The following ANKRD36C variants were observed in gnomAD, a reference collection of about 807,000 sequenced individuals.
ANKRD36C encodes the protein ankyrin repeat domain-containing protein 36C.
In ANKRD36C, 61 loss-of-function variants were observed where a neutral mutation model predicts 276.4. That is an observed-to-expected ratio of 0.22 (90% CI 0.18 to 0.27). ANKRD36C has a LOEUF of 0.27. ANKRD36C is among the 10% of genes least tolerant of loss of function. The pLI is 1.00. For missense variants in ANKRD36C, 1,447 were observed against 2,032.3 expected, an observed-to-expected ratio of 0.71 and a Z score of 5.54; for synonymous variants, 483 against 680.1, an observed-to-expected ratio of 0.71 and a Z score of 4.51.
intron 61 of ANKRD36C, among the ~76,000 whole-genome samples, chr2:95,857,824 C>G (rs1675454642): frequency 6.9e-6 from 1 of 145,668 alleles, no homozygotes; most frequent in Non-Finnish European, 1.5e-5. Context: ...CTATGCAGAT[C>G]CAGGGGATAT....
chr2:95,924,731 C>T (rs558174510), intron 30 of ANKRD36C, among the ~76,000 whole-genome samples: 39 of 151,718 alleles, frequency 2.6e-4, no homozygotes, highest in African/African-American at 8.9e-4. Context: ...TCTAGCACTC[C>T]TTCCTGATTC....
intron 59 of ANKRD36C, among the ~76,000 whole-genome samples, chr2:95,874,493 T>G (rs548698473): frequency 9.3e-4 from 142 of 152,342 alleles, no homozygotes; most frequent in African/African-American, 3.3e-3. Context: ...AAGCTGAAAC[T>G]GGATCCCTTC....
intron 42 of ANKRD36C, among the ~76,000 whole-genome samples, chr2:95,901,972 T>A (rs888679249): frequency 6.7e-6 from 1 of 148,500 alleles, no homozygotes; most frequent in East Asian, 2.0e-4. Context: ...TAATCAGTTT[T>A]TCATTCAGAA....
chr2:95,874,332 T>C (rs1196584347), intron 59 of ANKRD36C, among the ~76,000 whole-genome samples: 1 of 152,016 alleles, frequency 6.6e-6, no homozygotes, highest in African/African-American at 2.4e-5. Flanking sequence ...AAAACAGAGA[T>C]ATAGACCAAT....
intron 6 of ANKRD36C, among the ~76,000 whole-genome samples, chr2:95,963,993 ATATATATATATATATATATATGTG>A (rs1250771809): frequency 0.21 from 5,856 of 27,634 alleles, 327 homozygotes; most frequent in East Asian, 0.31. Context: ...ATATATATAT[ATATATATATATATATATATATGTG>A]TGTGTGTGTC....
chr2:95,850,243 G>A (rs1348220279), downstream of ANKRD36C, among the ~76,000 whole-genome samples: 1 of 152,272 alleles, frequency 6.6e-6, no homozygotes. Context: ...TAAGGTACTA[G>A]GACAAGCACT....
chr2:95,864,983 G>A (rs1438531882), intron 60 of ANKRD36C, among the ~76,000 whole-genome samples: 1 of 151,918 alleles, frequency 6.6e-6, no homozygotes, highest in Admixed American at 6.6e-5. Context: ...ATATGCTAGT[G>A]ATAAACAATC....
At chr2:95,916,659 C>T (rs1200210870) in intron 36 of ANKRD36C, among the ~76,000 whole-genome samples, 2 of 151,656 alleles carry the variant, frequency 1.3e-5, no homozygotes, top group Non-Finnish European at 3.0e-5. Flanking sequence ...GTTGAATGTA[C>T]ACTCACATCT....
At chr2:95,938,408 G>GT (rs1447035973) in intron 22 of ANKRD36C, among the ~76,000 whole-genome samples, 2 of 150,814 alleles carry the variant, frequency 1.3e-5, no homozygotes, top group Admixed American at 6.6e-5. Context: ...ATGTGATTAA[G>GT]ATTCTCAATG....
intron 1 of ANKRD36C, among the ~76,000 whole-genome samples, chr2:95,988,681 T>C (rs1679080074): frequency 1.3e-5 from 2 of 152,232 alleles, no homozygotes; most frequent in African/African-American, 4.8e-5. Flanking sequence ...TATTTGCTCA[T>C]TTTCATTTTC....
At position 95,881,723 on chromosome 2, in the gene ANKRD36C, T is replaced by C. The variant is rs1480176758; in HGVS notation, c.3367+579A>G. 4.0e-5 allele frequency among the ~76,000 whole-genome samples: 6 copies of C among 151,758 alleles called. No individual in the cohort carries two copies. In the East Asian group the frequency reaches 9.7e-4, roughly 24 times the overall value. Reference sequence around the variant, plus strand: ...CAGCCAGAAATCAGATGATCCGGTATGCAAATATTCAAAATGCATCTGAAG... The same window carrying C: ...CAGCCAGAAATCAGATGATCCGGTACGCAAATATTCAAAATGCATCTGAAG... On this transcript the variant is annotated intron_variant, in intron 56 of 66. Coordinates refer to ENST00000456556, the Ensembl canonical transcript of ANKRD36C.
At chr2:95,962,811 A>G (rs1457458317) in intron 6 of ANKRD36C, among the ~76,000 whole-genome samples, 2 of 152,070 alleles carry the variant, frequency 1.3e-5, no homozygotes, top group Non-Finnish European at 2.9e-5. Flanking sequence ...CAGTGTCAGT[A>G]TCATTGTGGA....
Position 95,958,615 on chromosome 2 carries a change from T to A in ANKRD36C, c.1081A>T (p.Lys361Ter). 6.5e-7 allele frequency: 1 copy of A among 1,546,140 alleles called. No homozygotes were observed. The highest frequency in any genetic ancestry group is 8.7e-7 in the Non-Finnish European group (1 of 1,146,828). The stretch of plus-strand genomic sequence containing the variant: ...CCTGTCCCAGATTTTTGTTCATCTT[T>A]TATTTCTGTGGCTGTGTTCGAAACA... Residue 361 changes from lysine to a stop codon, truncating the protein, a stop_gained, in exon 12 of 67, where the codon AAA becomes TAA. Coordinates refer to ENST00000456556, the Ensembl canonical transcript of ANKRD36C. LOFTEE classifies it high-confidence loss of function.
At position 95,890,007 on chromosome 2, in the gene ANKRD36C, A is replaced by G. The variant is rs751664559; in HGVS notation, c.2858-13T>C. 5.9e-5 allele frequency: 95 copies of G among 1,607,836 alleles called. No individual in the cohort carries two copies. Among genetic ancestry groups the G allele is most frequent in the Non-Finnish European group, 7.9e-5 (93 of 1,175,686 alleles). ...TTATGAGAAGACACTGAAAAGCAAA[A>G]AGGATACATAATCACTCATACGTAA... On this transcript the variant is annotated splice_polypyrimidine_tract_variant and intron_variant, in intron 46 of 66. Transcript: ENST00000456556.
chr2:95,916,788 C>A (rs1020905661), intron 36 of ANKRD36C, among the ~76,000 whole-genome samples: 39 of 151,632 alleles, frequency 2.6e-4, no homozygotes, highest in African/African-American at 8.9e-4. Flanking sequence ...TTTCTTGGAT[C>A]CACTAGTTTA....
chr2:95,961,833 C>A (rs1034657814), intron 8 of ANKRD36C, among the ~76,000 whole-genome samples: 23 of 151,978 alleles, frequency 1.5e-4, no homozygotes, highest in Admixed American at 4.6e-4. Context: ...CAGGTTTCTG[C>A]AGCAGAAACC....
chr2:95,878,925 G>A (rs1217232283), intron 58 of ANKRD36C, among the ~76,000 whole-genome samples: 1 of 152,082 alleles, frequency 6.6e-6, no homozygotes, highest in Non-Finnish European at 1.5e-5. Flanking sequence ...TAAAAATACA[G>A]CTACCCACAT....
rs1458232042 is a variant in ANKRD36C, at chr2:95,889,777, T to G, written c.2959+22A>C. 1.9e-6 allele frequency: 3 copies of G among 1,570,098 alleles called. No homozygotes were observed. The East Asian group carries it at 7.1e-5, about 37-fold the overall frequency. On this transcript the variant is annotated intron_variant, in intron 48 of 66. Coordinates refer to ENST00000456556, the Ensembl canonical transcript of ANKRD36C. ...TCTTCTATCTTGAACGAACATCCTA[T>G]TAAATGTGTTTGCAAAATTACCTGT...
chr2:95,907,762 A>C (rs1205408303), intron 42 of ANKRD36C, among the ~76,000 whole-genome samples: 3 of 149,714 alleles, frequency 2.0e-5, no homozygotes, highest in African/African-American at 2.5e-5. Flanking sequence ...CAAGGAAACA[A>C]ATTTATTCAT....
Sources: gnomAD v4.1 joint callset for allele counts (sites outside exome capture counted in the v4.1 genomes callset) on GRCh38, gnomAD v4.1.1 for gene constraint, MANE v1.5 for transcripts, NCBI Gene and HGNC (gene_info 2026-07-23, HGNC 2026-07-21) for gene names.